Variants in BCAS3 observed in about 807,000 individuals in gnomAD.
The protein encoded by BCAS3 is BCAS3 microtubule associated cell migration factor.
In BCAS3, 53 loss-of-function variants were observed where a neutral mutation model predicts 116.1. That is an observed-to-expected ratio of 0.46 (90% CI 0.37 to 0.57). The LOEUF (loss-of-function observed/expected upper bound fraction) is 0.57, where lower values mean the gene tolerates loss of function less well. BCAS3 is among the 20% of genes least tolerant of loss of function. The probability of loss-of-function intolerance (pLI) is 0.00; values close to 1 mark genes in which losing one functional copy is unlikely to be tolerated. For missense variants in BCAS3, 917 were observed against 1,165.4 expected (o/e 0.79, Z 3.10); for synonymous variants, 391 against 408.2 (o/e 0.96, Z 0.51).
Position 61,334,669 on chromosome 17 carries a change from A to AC in BCAS3, c.2426-33658_2426-33657insC, listed in dbSNP as rs1327563134. The stretch of plus-strand genomic sequence containing the variant: ...ACAACAGCAAAACTCCATCTCAAAA[A>AC]AAAAAAAAAAAAAAAAAAAACACCA... On this transcript the variant is annotated intron_variant, in intron 22 of 23. Transcript: ENST00000407086. 5.3e-4 allele frequency among the ~76,000 whole-genome samples: 76 copies of AC among 143,008 alleles called. 1 individual carries two copies. Among genetic ancestry groups the AC allele is most frequent in the African/African-American group, 1.7e-3 (61 of 35,286 alleles). The allele number at this position is 143,008 out of a possible 152,430, so 93.8% of individuals were successfully genotyped here. A position where few individuals can be genotyped will look rare whatever the true frequency, so the allele number is the denominator to read the frequency against.
At chr17:61,360,337 A>G (rs578192446) in intron 22 of BCAS3, among the ~76,000 whole-genome samples, 2 of 152,194 alleles carry the variant, frequency 1.3e-5, no homozygotes, top group Non-Finnish European at 2.9e-5. Context: ...TCATAATACT[A>G]TCTGGTCTGA....
At chr17:61,336,944 C>G (rs2143182614) in intron 22 of BCAS3, among the ~76,000 whole-genome samples, 1 of 152,184 alleles carries the variant, frequency 6.6e-6, no homozygotes, top group South Asian at 2.1e-4. Context: ...GAAACCCTGT[C>G]TCTACTAAAA....
chr17:60,840,356 A>C (rs1405268168), intron 7 of BCAS3, among the ~76,000 whole-genome samples: 2 of 152,176 alleles, frequency 1.3e-5, no homozygotes, highest in Non-Finnish European at 2.9e-5. Flanking sequence ...ACCATCTTTC[A>C]TGCATTATAA....
chr17:61,203,686 A>G lies in BCAS3; in HGVS notation c.2425+119122A>G, dbSNP rs921104413. On this transcript the variant is annotated intron_variant, in intron 22 of 23. Coordinates refer to ENST00000407086, the MANE Select transcript of BCAS3 (RefSeq NM_017679.5). This position sits in a 1 kb window ranked among gnomAD's most constrained non-coding sequence, Gnocchi z 5.7. The stretch of plus-strand genomic sequence containing the variant: ...TATTTTGCCTTCCGTTCATCTTTGT[A>G]ACCATTTTTTTGTTTCAGGTTGAGT... Among the ~76,000 whole-genome samples the G allele has an allele frequency of 3.9e-5, 6 of 152,296 alleles. No individual in the cohort carries two copies. In the East Asian group the frequency reaches 1.2e-3, roughly 29 times the overall value.
chr17:61,374,187 C>CTTT (rs547428310), intron 23 of BCAS3, among the ~76,000 whole-genome samples: 1 of 132,410 alleles, frequency 7.6e-6, no homozygotes, highest in African/African-American at 2.8e-5. Flanking sequence ...TGTTAACTTC[C>CTTT]TTTTTTTTTT....
rs1167281285 is a variant in BCAS3, at chr17:60,910,529, C to T, written c.823-3C>T. 1 of 1,599,182 alleles carries T rather than the reference C, an allele frequency of 6.3e-7. No individual in the cohort carries two copies. Among genetic ancestry groups the T allele is most frequent in the East Asian group, 2.3e-5 (1 of 43,912 alleles). On this transcript the variant is annotated splice_polypyrimidine_tract_variant and splice_region_variant and intron_variant, in intron 11 of 23. Transcript: ENST00000407086. ...GTCATACATTTTACCTTTCATTGTA[C>T]AGACATTGAAAAGTGGCCTGACAAT...
rs1245330526 is a variant in BCAS3 at position 61,352,812 on chromosome 17, C to G, written c.2426-15515C>G. On this transcript the variant is annotated intron_variant, in intron 22 of 23. Coordinates refer to ENST00000407086, the MANE Select transcript of BCAS3 (RefSeq NM_017679.5). The surrounding 1 kb of genome is among the most constrained non-coding windows in gnomAD (Gnocchi z 4.7). Reference sequence around the variant, plus strand: ...GTAAGAGAAAAGGGCAGAGATGGACCCAAGTCTTGCTTGCCCTCTGCAGCT... The same window carrying G: ...GTAAGAGAAAAGGGCAGAGATGGACGCAAGTCTTGCTTGCCCTCTGCAGCT... 4.6e-5 allele frequency among the ~76,000 whole-genome samples: 7 copies of G among 152,232 alleles called. No individual in the cohort carries two copies. The highest frequency in any genetic ancestry group is 1.0e-4 in the Non-Finnish European group (7 of 68,046).
chr17:61,275,479 C>T (rs940776426), intron 22 of BCAS3, among the ~76,000 whole-genome samples: 3 of 151,652 alleles, frequency 2.0e-5, no homozygotes, highest in African/African-American at 4.8e-5. Context: ...CAGTGTTTAG[C>T]GGCAGAGAGA....
At chr17:60,788,546 T>C (rs1272535689) in intron 6 of BCAS3, among the ~76,000 whole-genome samples, 1 of 152,230 alleles carries the variant, frequency 6.6e-6, no homozygotes, top group Non-Finnish European at 1.5e-5. Context: ...TGCACACATA[T>C]TTTAGATATT....
chr17:61,202,561 T>G (rs9905164), intron 22 of BCAS3, among the ~76,000 whole-genome samples: 26 of 152,176 alleles, frequency 1.7e-4, no homozygotes, highest in Non-Finnish European at 7.3e-5. Flanking sequence ...ATTTTACTTG[T>G]GTTTCTTCTA....
chr17:60,825,513 T>TAATTTATAAATATTATAATAATTTATAAA (rs1488026686), intron 7 of BCAS3, among the ~76,000 whole-genome samples: 8 of 143,146 alleles, frequency 5.6e-5, no homozygotes, highest in Admixed American at 5.6e-4. Context: ...TTATTTATAA[T>TAATTTATAAATATTATAATAATTTATAAA]AATTTATAAA....
intron 11 of BCAS3, among the ~76,000 whole-genome samples, chr17:60,910,056 A>G (rs1319173870): frequency 1.3e-5 from 2 of 152,216 alleles, no homozygotes; most frequent in Non-Finnish European, 2.9e-5. Flanking sequence ...TTGGAAGCAC[A>G]TTCTTTTCCA....
chr17:60,842,196 A>G (rs79773220), intron 7 of BCAS3, among the ~76,000 whole-genome samples: 4,603 of 152,254 alleles, frequency 0.03, 181 homozygotes, highest in East Asian at 0.092. Context: ...TTTAGTTAAT[A>G]TGACTCAACA....
rs1260202529 is a variant in BCAS3 at position 61,128,779 on chromosome 17, A to T, written c.2425+44215A>T. On this transcript the variant is annotated intron_variant, in intron 22 of 23. Transcript: ENST00000407086. The surrounding 1 kb of genome is among the most constrained non-coding windows in gnomAD (Gnocchi z 4.1). ...AGAATTTTTTCCCCCAGGAAAAAAA[A>T]ATCGGCAACTTTTGGTCTGTCACAA... Among the ~76,000 whole-genome samples the T allele has an allele frequency of 1.3e-5, 2 of 152,174 alleles. No homozygotes were observed. Among genetic ancestry groups the T allele is most frequent in the African/African-American group, 4.8e-5 (2 of 41,432 alleles).
At position 61,237,886 on chromosome 17, in the gene BCAS3, A is replaced by T. The variant is rs146253050; in HGVS notation, c.2426-130441A>T. On this transcript the variant is annotated intron_variant, in intron 22 of 23. Transcript: ENST00000407086. Reference sequence around the variant, plus strand: ...ATTAGCCATATTTTTATATGGAGGCAGGAAGCTTGACTCTAATGGATCACC... The same window carrying T: ...ATTAGCCATATTTTTATATGGAGGCTGGAAGCTTGACTCTAATGGATCACC... Among the ~76,000 whole-genome samples, 1,296 of 152,302 alleles carry T rather than the reference A, an allele frequency of 8.5e-3. 16 individuals carry two copies. The highest frequency in any genetic ancestry group is 0.03 in the African/African-American group (1,231 of 41,568).
At chr17:61,053,191 G>A (rs1221323363) in intron 19 of BCAS3, among the ~76,000 whole-genome samples, 1 of 152,152 alleles carries the variant, frequency 6.6e-6, no homozygotes, top group Non-Finnish European at 1.5e-5. Flanking sequence ...ACTAAAATTA[G>A]TAGTCAGCAA....
chr17:60,746,307 G>A (rs1233111123), intron 5 of BCAS3, among the ~76,000 whole-genome samples: 2 of 152,156 alleles, frequency 1.3e-5, no homozygotes, highest in African/African-American at 4.8e-5. Flanking sequence ...CAGTTGAGAT[G>A]GAAATAAGAA....
rs548479481 is a variant in BCAS3 at position 61,116,245 on chromosome 17, AAAATAAAT to A, written c.2425+31705_2425+31712del. Among the ~76,000 whole-genome samples, 393 of 63,408 alleles carry A rather than the reference AAAATAAAT, an allele frequency of 6.2e-3. 1 individual carries two copies. Among genetic ancestry groups the A allele is most frequent in the Non-Finnish European group, 0.011 (314 of 29,762 alleles). The allele number at this position is 63,408 out of a possible 152,430, so 41.6% of individuals were successfully genotyped here. A position where few individuals can be genotyped will look rare whatever the true frequency, so the allele number is the denominator to read the frequency against. ...ACCCTAAAACTTAAAGTATAATAAA[AAAATAAAT>A]AAATAAATAAATAAATAAATAAAAT... On this transcript the variant is annotated intron_variant, in intron 22 of 23. Transcript: ENST00000407086.
At chr17:60,917,961 T>C (rs1422489497) in intron 12 of BCAS3, among the ~76,000 whole-genome samples, 1 of 152,200 alleles carries the variant, frequency 6.6e-6, no homozygotes, top group African/African-American at 2.4e-5. Flanking sequence ...AGTCTCTACT[T>C]GTAATACTTT....
Sources: allele counts gnomAD v4.1 joint callset (sites outside exome capture counted in the v4.1 genomes callset), GRCh38; gene constraint gnomAD v4.1.1; non-coding constraint Gnocchi (gnomAD v3.1); transcripts MANE v1.5; gene names NCBI Gene and HGNC (gene_info 2026-07-23, HGNC 2026-07-21).